Variants in NCOA1 observed in about 807,000 individuals in gnomAD.
NCOA1 encodes the protein Hin-2 protein.
NCOA1 carries 35 observed loss-of-function variants against 150.9 expected under a neutral mutation model. The ratio of observed to expected loss-of-function variants is 0.23; its 90% CI spans 0.18 to 0.31. The LOEUF (loss-of-function observed/expected upper bound fraction) is 0.31. Among genes scored for constraint, NCOA1 ranks in the 10% least tolerant of loss-of-function variants. The pLI is 1.00. For synonymous variants in NCOA1, 590 were observed against 630.0 expected (o/e 0.94, Z 0.95); for missense variants, 1,491 against 1,749.3 (o/e 0.85, Z 2.63).
At chr2:24,724,804 T>G (rs1674526135) in intron 14 of NCOA1, among the ~76,000 whole-genome samples, 1 of 148,704 alleles carries the variant, frequency 6.7e-6, no homozygotes, top group Non-Finnish European at 1.5e-5. Flanking sequence ...TGAAATAAGA[T>G]TGAGGAATTA....
At chr2:24,752,861 A>G (rs1055996713) in intron 20 of NCOA1, among the ~76,000 whole-genome samples, 3 of 151,902 alleles carry the variant, frequency 2.0e-5, no homozygotes, top group Non-Finnish European at 2.9e-5. Context: ...TCTTGCTTAG[A>G]ATTATCTCAC....
At chr2:24,620,292 T>C (rs1357553129) in intron 3 of NCOA1, among the ~76,000 whole-genome samples, 1 of 152,222 alleles carries the variant, frequency 6.6e-6, no homozygotes, top group Non-Finnish European at 1.5e-5. Context: ...GCAAACCTCA[T>C]GTTCAGATTG....
chr2:24,673,559 T>A, intron 7 of NCOA1, 96 bp downstream of exon 7: 1 of 684,862 alleles, frequency 1.5e-6, no homozygotes, highest in Non-Finnish European at 2.4e-6. Context: ...GTTAATAAAT[T>A]ATAAAACAAA....
chr2:24,711,009 A>T lies in NCOA1; in HGVS notation c.2497A>T (p.Thr833Ser), dbSNP rs1673721626. The T allele has an allele frequency of 1.2e-6, 2 of 1,614,196 alleles. No individual in the cohort carries two copies. The highest frequency in any genetic ancestry group is 1.7e-6 in the Non-Finnish European group (2 of 1,180,022). ...AGCACAGTTGCCAGGCTTATGTGAG[A>T]CAGACAGGATGGATGGTGCGGTCAC... ...KAAQLPGLCE[T>S]DRMDGAVTSV... The change falls in exon 14 of 23, where the codon ACA (threonine) becomes TCA (serine). Residue 833 changes from threonine (T) to serine (S), a missense_variant. Thr to Ser is a moderately conservative substitution (Grantham distance 58). This residue lies in a region of NCOA1 where 703 missense variants were observed against 717.7 expected (regional missense o/e 0.98). Transcript: ENST00000348332.
intron 4 of NCOA1, among the ~76,000 whole-genome samples, chr2:24,650,879 G>A (rs1670681938): frequency 6.6e-6 from 1 of 152,100 alleles, no homozygotes; most frequent in African/African-American, 2.4e-5. Context: ...TAGAATATTT[G>A]CATTATACTT....
At chr2:24,634,352 G>A (rs1669838598) in intron 3 of NCOA1, among the ~76,000 whole-genome samples, 1 of 152,152 alleles carries the variant, frequency 6.6e-6, no homozygotes, top group African/African-American at 2.4e-5. Flanking sequence ...TTTAGTTGTT[G>A]TGTTTTTCTT....
At chr2:24,762,815 A>T in intron 22 of NCOA1, 39 bp downstream of exon 22, 1 of 1,535,538 alleles carries the variant, frequency 6.5e-7, no homozygotes. Flanking sequence ...TGTCAAATGT[A>T]CTCTAGATGC....
intron 3 of NCOA1, among the ~76,000 whole-genome samples, chr2:24,619,119 T>C (rs1669005742): frequency 6.6e-6 from 1 of 152,238 alleles, no homozygotes; most frequent in African/African-American, 2.4e-5. Context: ...GGACGTTTCA[T>C]AGTTTCTTTC....
intron 1 of NCOA1, among the ~76,000 whole-genome samples, chr2:24,534,630 A>C (rs892487335): frequency 4.6e-5 from 7 of 152,190 alleles, no homozygotes; most frequent in Admixed American, 2.0e-4. Context: ...AATGTGTCCC[A>C]GAGATTCTGG....
In NCOA1 at chr2:24,491,339, C is replaced by T. The variant is rs1483017282; in HGVS notation, c.-659C>T. ...TTCTTCAGGCCGGGCGAGCGGGAGT[C>T]TGACGCGATTTGCTGAGCTCTGTCC... is the stretch of plus-strand genomic sequence containing the variant. On this transcript the variant is annotated 5_prime_UTR_variant, in exon 1 of 23. Transcript: ENST00000348332. Among the ~76,000 whole-genome samples the T allele has an allele frequency of 6.8e-6, 1 of 147,876 alleles. No individual in the cohort carries two copies. Among genetic ancestry groups the T allele is most frequent in the African/African-American group, 2.4e-5 (1 of 40,966 alleles).
rs1662948395 is a variant in NCOA1, at chr2:24,491,464, G to C, written c.-534G>C. ...AGGTTCCCTCTGCATCCCCCTGCGG[G>C]GGGACCCCTGCTCCGGAGGAGGGGG... On this transcript the variant is annotated 5_prime_UTR_variant, in exon 1 of 23. Transcript: ENST00000348332. Among the ~76,000 whole-genome samples the C allele has an allele frequency of 6.8e-6, 1 of 148,106 alleles. No homozygotes were observed. The highest frequency in any genetic ancestry group is 1.5e-5 in the Non-Finnish European group (1 of 66,526).
intron 20 of NCOA1, among the ~76,000 whole-genome samples, chr2:24,753,798 A>G (rs185088503): frequency 2.0e-5 from 3 of 152,050 alleles, no homozygotes; most frequent in East Asian, 1.9e-4. Context: ...CCATCTTACT[A>G]TTGTCAATGC....
intron 1 of NCOA1, among the ~76,000 whole-genome samples, chr2:24,515,097 T>G (rs180725001): frequency 2.0e-4 from 30 of 152,370 alleles, no homozygotes; most frequent in African/African-American, 7.0e-4. Context: ...AAAGAACTTA[T>G]CTAAAAAAGA....
chr2:24,686,487 G>A (rs1441681719), intron 8 of NCOA1, among the ~76,000 whole-genome samples: 2 of 152,170 alleles, frequency 1.3e-5, no homozygotes, highest in Non-Finnish European at 2.9e-5. Context: ...GATTAGGCAT[G>A]CTGCTTTCTA....
intron 1 of NCOA1, among the ~76,000 whole-genome samples, chr2:24,547,682 A>G (rs1458702568): frequency 9.7e-6 from 1 of 103,218 alleles, no homozygotes; most frequent in Non-Finnish European, 2.3e-5. Flanking sequence ...ATATATCATG[A>G]GATTGTTAAA....
chr2:24,720,769 GAATCACTTCT>G (rs1674323545), intron 14 of NCOA1, among the ~76,000 whole-genome samples: 1 of 152,110 alleles, frequency 6.6e-6, no homozygotes, highest in Admixed American at 6.5e-5. Flanking sequence ...AAGAAGAAAA[GAATCACTTCT>G]AATTCTCTGC....
chr2:24,646,247 C>T (rs1156244035), intron 4 of NCOA1, among the ~76,000 whole-genome samples: 2 of 152,102 alleles, frequency 1.3e-5, no homozygotes, highest in Non-Finnish European at 2.9e-5. Flanking sequence ...ATGGAATTTG[C>T]TTTATCTCTC....
At chr2:24,740,692 T>C (rs970588319) in intron 18 of NCOA1, among the ~76,000 whole-genome samples, 3 of 152,236 alleles carry the variant, frequency 2.0e-5, no homozygotes, top group East Asian at 1.9e-4. Context: ...TCAGTTTCTC[T>C]GTCTTACAAA....
chr2:24,631,712 A>G (rs1669719180), intron 3 of NCOA1, among the ~76,000 whole-genome samples: 1 of 152,206 alleles, frequency 6.6e-6, no homozygotes, highest in Non-Finnish European at 1.5e-5. Context: ...CCTGCTTTAT[A>G]AAAGTCACAA....
Sources: gnomAD v4.1 joint callset for allele counts (sites outside exome capture counted in the v4.1 genomes callset) on GRCh38, gnomAD v4.1.1 for gene constraint, gnomAD v4.1.1 regional missense constraint, MANE v1.5 for transcripts, NCBI Gene and HGNC (gene_info 2026-07-23, HGNC 2026-07-21) for gene names.